Variants in ANK2 observed in about 807,000 individuals in gnomAD.
The protein encoded by ANK2 is ankyrin 2, also known as ankyrin-2.
In ANK2, 83 loss-of-function variants were observed where a neutral mutation model predicts 360.5. The ratio of observed to expected loss-of-function variants is 0.23; its 90% CI spans 0.19 to 0.28. ANK2 has a LOEUF of 0.28. Ranked by LOEUF, ANK2 falls within the 10% of genes least tolerant of loss-of-function variation. The pLI, the probability that ANK2 is intolerant of heterozygous loss-of-function variation, is 1.00. For missense variants in ANK2, 4,201 were observed against 4,795.7 expected (o/e 0.88, Z 3.66); for synonymous variants, 1,740 against 1,759.5 (o/e 0.99, Z 0.28).
At chr4:113,256,024 G>T in intron 11 of ANK2, 92 bp downstream of exon 11, 1 of 1,425,534 alleles carries the variant, frequency 7.0e-7, no homozygotes, top group Non-Finnish European at 9.8e-7. Flanking sequence ...GCAATGCAAG[G>T]TTACAGATAT....
the ANK2 span, among the ~76,000 whole-genome samples, chr4:112,771,958 G>A: frequency 1.3e-5 from 2 of 152,090 alleles, no homozygotes; most frequent in African/African-American, 2.4e-5. Context: ...AGATAAGGAA[G>A]CCCCTTTCCT....
intron 2 of ANK2, among the ~76,000 whole-genome samples, chr4:113,036,258 A>G (rs2061570177): frequency 6.6e-6 from 1 of 151,882 alleles, no homozygotes; most frequent in Admixed American, 6.6e-5. Flanking sequence ...TAGTAAAAAA[A>G]AAAAAAAATA....
At chr4:113,351,649 TCTTA>T (rs1398532428) in intron 37 of ANK2, among the ~76,000 whole-genome samples, 2 of 152,062 alleles carry the variant, frequency 1.3e-5, no homozygotes, top group African/African-American at 4.8e-5. Flanking sequence ...TTAAATGGCC[TCTTA>T]CTTTGCTCTC....
chr4:113,233,341 T>C (rs1484847163), intron 5 of ANK2, among the ~76,000 whole-genome samples: 1 of 151,090 alleles, frequency 6.6e-6, no homozygotes, highest in Non-Finnish European at 1.5e-5. Context: ...TTCACCGTTT[T>C]AGCCGGGATG....
chr4:112,710,707 A>G, the ANK2 span, among the ~76,000 whole-genome samples: 1 of 151,956 alleles, frequency 6.6e-6, no homozygotes, highest in Non-Finnish European at 1.5e-5. Context: ...CAAAAAAAAA[A>G]AAAATGCTTG....
intron 1 of ANK2, among the ~76,000 whole-genome samples, chr4:113,092,687 A>G (rs1281973568): frequency 6.6e-6 from 1 of 152,218 alleles, no homozygotes; most frequent in African/African-American, 2.4e-5. Flanking sequence ...TTAGTTGCCT[A>G]TAAAATAGGG....
At chr4:112,761,839 C>T in the ANK2 span, among the ~76,000 whole-genome samples, 70 of 152,080 alleles carry the variant, frequency 4.6e-4, no homozygotes, top group African/African-American at 1.5e-3. Flanking sequence ...ACTCTATTCT[C>T]CTATAAACTC....
chr4:112,802,998 T>C, the ANK2 span, among the ~76,000 whole-genome samples: 4 of 152,184 alleles, frequency 2.6e-5, no homozygotes, highest in Admixed American at 2.6e-4. Context: ...AGCCTGTGTC[T>C]GTTCTGATTG....
the ANK2 span, among the ~76,000 whole-genome samples, chr4:112,804,584 G>A: frequency 6.6e-6 from 1 of 152,156 alleles, no homozygotes; most frequent in Non-Finnish European, 1.5e-5. Flanking sequence ...AAGATATCGA[G>A]GACTTGGATG....
intron 1 of ANK2, among the ~76,000 whole-genome samples, chr4:113,139,214 C>T (rs1396398452): frequency 6.6e-6 from 1 of 152,194 alleles, no homozygotes; most frequent in Admixed American, 6.5e-5. Context: ...CACACCTCTT[C>T]TAAGATTGTT....
At chr4:113,036,756 C>T (rs1187339787) in intron 2 of ANK2, among the ~76,000 whole-genome samples, 6 of 151,624 alleles carry the variant, frequency 4.0e-5, no homozygotes, top group Admixed American at 2.6e-4. Context: ...AGCAGAGGCA[C>T]GGACTGTCTT....
intron 4 of ANK2, among the ~76,000 whole-genome samples, chr4:113,204,645 A>G (rs950985529): frequency 1.3e-5 from 2 of 152,202 alleles, no homozygotes; most frequent in African/African-American, 4.8e-5. Context: ...TCTCATAACA[A>G]TTAGTGATGA....
intron 23 of ANK2, among the ~76,000 whole-genome samples, chr4:113,310,573 C>T (rs901315435): frequency 3.3e-5 from 5 of 152,066 alleles, no homozygotes; most frequent in Non-Finnish European, 5.9e-5. Flanking sequence ...TGTGCCACCA[C>T]GCCCAGCTAA....
chr4:113,109,331 T>C (rs7656725), intron 1 of ANK2, among the ~76,000 whole-genome samples: 26,422 of 152,168 alleles, frequency 0.17, 3,298 homozygotes, highest in East Asian at 0.52. Context: ...CACCTGGTTG[T>C]CTTTGACATT....
intron 2 of ANK2, among the ~76,000 whole-genome samples, chr4:113,024,868 T>C (rs920048758): frequency 6.6e-6 from 1 of 152,156 alleles, no homozygotes; most frequent in African/African-American, 2.4e-5. Context: ...TATTTATCTT[T>C]CCCATAAAAA....
chr4:112,881,427 C>A (rs944635844), intron 1 of ANK2, among the ~76,000 whole-genome samples: 1 of 152,168 alleles, frequency 6.6e-6, no homozygotes, highest in Non-Finnish European at 1.5e-5. Context: ...CAGAGAGAGA[C>A]CCTGTCTCAA....
chr4:112,955,272 G>A lies in ANK2; in HGVS notation c.21+50758G>A, dbSNP rs542615515. On this transcript the variant is annotated intron_variant, in intron 2 of 30. Transcript: ENST00000503271. Reference sequence around the variant, plus strand: ...AATAAAAATATGAAAAATAATAAGTGACATTGCAGACCAAAAACTAGACAT... The same window carrying A: ...AATAAAAATATGAAAAATAATAAGTAACATTGCAGACCAAAAACTAGACAT... Among the ~76,000 whole-genome samples, 65 of 152,160 alleles carry A rather than the reference G, an allele frequency of 4.3e-4. No homozygotes were observed. In the East Asian group the frequency reaches 7.9e-3, roughly 18 times the overall value.
At chr4:112,787,019 G>A in the ANK2 span, among the ~76,000 whole-genome samples, 1 of 152,136 alleles carries the variant, frequency 6.6e-6, no homozygotes, top group Non-Finnish European at 1.5e-5. Context: ...AAAGTGCTGG[G>A]ATTACAGGTG....
chr4:112,813,545 T>TTA (rs1237233515), upstream of ANK2, among the ~76,000 whole-genome samples: 1 of 145,720 alleles, frequency 6.9e-6, no homozygotes, highest in African/African-American at 2.7e-5. Context: ...ATTTATTTAT[T>TTA]TATTTATTGA....
Sources: gnomAD v4.1 joint callset for allele counts (sites outside exome capture counted in the v4.1 genomes callset) on GRCh38, gnomAD v4.1.1 for gene constraint, MANE v1.5 for transcripts, NCBI Gene and HGNC (gene_info 2026-07-23, HGNC 2026-07-21) for gene names.